The following INPP4B variants were observed in gnomAD, a reference collection of about 807,000 sequenced individuals.
The protein encoded by INPP4B is inositol polyphosphate-4-phosphatase type II B.
In INPP4B, 55 loss-of-function variants were observed where a neutral mutation model predicts 122.5. The observed-to-expected ratio is 0.45, with a 90% CI of 0.36 to 0.56. The LOEUF is 0.56. Among genes scored for constraint, INPP4B ranks in the 20% least tolerant of loss-of-function variants. The pLI is 0.00. For synonymous variants in INPP4B, 403 were observed against 388.7 expected (o/e 1.04, Z -0.43); for missense variants, 1,000 against 1,097.7 (o/e 0.91, Z 1.26).
At chr4:142,805,004 C>T (rs534803210) in intron 1 of INPP4B, among the ~76,000 whole-genome samples, 1 of 152,242 alleles carries the variant, frequency 6.6e-6, no homozygotes, top group Non-Finnish European at 1.5e-5. Context: ...GTATCAATCA[C>T]CACTATATTT....
At chr4:142,791,454 A>G (rs866998418) in intron 1 of INPP4B, among the ~76,000 whole-genome samples, 1 of 152,124 alleles carries the variant, frequency 6.6e-6, no homozygotes, top group Non-Finnish European at 1.5e-5. Context: ...GGTAAATTCT[A>G]TGAAAGGTGT....
At position 142,310,771 on chromosome 4, in the gene INPP4B, A is replaced by G. The variant is rs192787788; in HGVS notation, c.423+3941T>C. 4.3e-4 allele frequency among the ~76,000 whole-genome samples: 66 copies of G among 152,152 alleles called. 1 individual carries two copies. The highest frequency in any genetic ancestry group is 4.6e-4 in the Admixed American group (7 of 15,284). ...AAGACCAAGTGAACTATTAACATTGAAAAATACATCAAAAAGAAAAAATAA... is the reference window on the plus strand; with the variant it reads ...AAGACCAAGTGAACTATTAACATTGGAAAATACATCAAAAAGAAAAAATAA... On this transcript the variant is annotated intron_variant, in intron 8 of 25. Coordinates refer to ENST00000262992, the MANE Select transcript of INPP4B (RefSeq NM_001101669.3).
chr4:142,603,115 A>T (rs374007429), intron 2 of INPP4B, among the ~76,000 whole-genome samples: 16 of 152,300 alleles, frequency 1.1e-4, no homozygotes, highest in African/African-American at 3.6e-4. Flanking sequence ...ATCCTCAGCA[A>T]ACCTATGCAG....
At chr4:142,289,228 C>T (rs549840175) in intron 9 of INPP4B, among the ~76,000 whole-genome samples, 5 of 152,148 alleles carry the variant, frequency 3.3e-5, no homozygotes, top group South Asian at 2.1e-4. Flanking sequence ...CAGAAATTTG[C>T]TTTTCTTGAC....
intron 1 of INPP4B, among the ~76,000 whole-genome samples, chr4:142,786,481 T>G (rs544834194): frequency 4.6e-5 from 7 of 152,246 alleles, no homozygotes; most frequent in Admixed American, 3.3e-4. Context: ...ATTCAAATAA[T>G]GTATGTAGAT....
At chr4:142,305,352 C>T (rs575377100) in intron 9 of INPP4B, 106 bp downstream of exon 9, 2 of 805,562 alleles carry the variant, frequency 2.5e-6, no homozygotes, top group Non-Finnish European at 4.1e-6. Context: ...TATTTGAGAA[C>T]TGACATCTAA....
rs554320099 is a variant in INPP4B, at chr4:142,492,475, C to A, written c.-190-29749G>T. On this transcript the variant is annotated intron_variant, in intron 2 of 25. Transcript: ENST00000262992. ...CAGGAAGATGTGAGAAAATTTGGAA[C>A]TTCCTAGAGACTTGTTGAATGGCTT... Among the ~76,000 whole-genome samples, 3 of 152,246 alleles carry A rather than the reference C, an allele frequency of 2.0e-5. No individual in the cohort carries two copies. In the South Asian group the frequency reaches 6.2e-4, roughly 32 times the overall value.
At position 142,023,629 on chromosome 4, in the gene INPP4B, T is replaced by C. The variant is rs1342725365; in HGVS notation, c.*5153A>G. Reference sequence around the variant, plus strand: ...AATTTGAGTCAATGTTACCTGTGAGTGCAATAGGTCATCATTGATCGCGTC... The same window carrying C: ...AATTTGAGTCAATGTTACCTGTGAGCGCAATAGGTCATCATTGATCGCGTC... On this transcript the variant is annotated 3_prime_UTR_variant, in exon 26 of 26. Transcript: ENST00000262992. 6.6e-6 allele frequency: 1 copy of C among 152,196 alleles called. No individual in the cohort carries two copies. Among genetic ancestry groups the C allele is most frequent in the Non-Finnish European group, 1.5e-5 (1 of 68,024 alleles). 9.4% of individuals were successfully genotyped at this position (152,196 alleles called of 1,614,324 possible).
Position 142,062,359 on chromosome 4 carries a change from G to T in INPP4B, c.2642+19672C>A, listed in dbSNP as rs570636779. On this transcript the variant is annotated intron_variant, in intron 25 of 25. Coordinates refer to ENST00000262992, the MANE Select transcript of INPP4B (RefSeq NM_001101669.3). ...AGAGCTTTCATATTAGATTCAAGGT[G>T]CAGAGTCTTCAGTTGAAAAATCTAC... 3.3e-5 allele frequency among the ~76,000 whole-genome samples: 5 copies of T among 152,162 alleles called. No homozygotes were observed. In the South Asian group the frequency reaches 1.0e-3, roughly 32 times the overall value.
chr4:142,033,816 C>A (rs761942099), intron 25 of INPP4B, among the ~76,000 whole-genome samples: 3 of 144,538 alleles, frequency 2.1e-5, no homozygotes, highest in Non-Finnish European at 4.6e-5. Context: ...AAGTGTGCAC[C>A]AACATGCGCA....
chr4:142,586,446 T>A (rs146515157), intron 2 of INPP4B, among the ~76,000 whole-genome samples: 1 of 152,294 alleles, frequency 6.6e-6, no homozygotes, highest in African/African-American at 2.4e-5. Flanking sequence ...ACCATATATT[T>A]TCCAAGTCCT....
chr4:142,141,305 T>C (rs1807701326), intron 18 of INPP4B, among the ~76,000 whole-genome samples: 1 of 152,166 alleles, frequency 6.6e-6, no homozygotes, highest in Non-Finnish European at 1.5e-5. Context: ...GTAGATAAGC[T>C]TCTTAACATA....
At chr4:142,062,668 G>A (rs976499013) in intron 25 of INPP4B, among the ~76,000 whole-genome samples, 2 of 152,070 alleles carry the variant, frequency 1.3e-5, no homozygotes, top group Non-Finnish European at 2.9e-5. Flanking sequence ...CCTGGGAGGC[G>A]GAGGTTGCAG....
chr4:142,220,057 A>C (rs1848759609), intron 12 of INPP4B, among the ~76,000 whole-genome samples: 1 of 152,222 alleles, frequency 6.6e-6, no homozygotes, highest in African/African-American at 2.4e-5. Context: ...TCATCAATGA[A>C]TGTTCTTTTG....
chr4:142,527,646 C>G (rs1827102964), intron 2 of INPP4B, among the ~76,000 whole-genome samples: 1 of 151,934 alleles, frequency 6.6e-6, no homozygotes, highest in African/African-American at 2.4e-5. Flanking sequence ...GGTAATTTTA[C>G]TATGTTGTAA....
rs150356839 is a variant in INPP4B, at chr4:142,670,717, T to C, written c.-191+55122A>G. ...ATTTCAGTTAGATAGAAGAAGTATGTTCAAGAGATCATTACACAACATGGC... is the reference window on the plus strand; with the variant it reads ...ATTTCAGTTAGATAGAAGAAGTATGCTCAAGAGATCATTACACAACATGGC... On this transcript the variant is annotated intron_variant, in intron 2 of 25. Transcript: ENST00000262992. Among the ~76,000 whole-genome samples the C allele has an allele frequency of 6.7e-3, 1,019 of 152,218 alleles. 10 individuals are homozygous for C. Among genetic ancestry groups the C allele is most frequent in the African/African-American group, 0.023 (961 of 41,534 alleles).
intron 9 of INPP4B, among the ~76,000 whole-genome samples, chr4:142,296,533 T>A (rs114546188): frequency 4.1e-3 from 629 of 152,348 alleles, no homozygotes; most frequent in African/African-American, 0.014. Flanking sequence ...ATAGCTAACA[T>A]TTATCAAGAA....
intron 2 of INPP4B, among the ~76,000 whole-genome samples, chr4:142,720,807 C>CTATATA (rs1462805409): frequency 1.5e-3 from 20 of 13,732 alleles, no homozygotes; most frequent in Non-Finnish European, 1.9e-3. Context: ...CTCTCTCTCT[C>CTATATA]TCTATATATA....
chr4:142,296,077 A>G (rs76613805), intron 9 of INPP4B, among the ~76,000 whole-genome samples: 1 of 43,252 alleles, frequency 2.3e-5, no homozygotes, highest in African/African-American at 3.2e-5. Flanking sequence ...CGTGATTTGC[A>G]TTTTAAAAAA....
Sources: allele counts gnomAD v4.1 joint callset (sites outside exome capture counted in the v4.1 genomes callset), GRCh38; gene constraint gnomAD v4.1.1; transcripts MANE v1.5; gene names NCBI Gene and HGNC (gene_info 2026-07-23, HGNC 2026-07-21).